The following RGS7 variants were observed in gnomAD, a reference collection of about 807,000 sequenced individuals.
RGS7 encodes the protein regulator of G-protein signaling 7.
RGS7 carries 27 observed loss-of-function variants against 81.1 expected under a neutral mutation model. The observed-to-expected ratio is 0.33, with a 90% CI of 0.25 to 0.46. RGS7 has a LOEUF of 0.46. Ranked by LOEUF, RGS7 falls within the 20% of genes least tolerant of loss-of-function variation. The probability of loss-of-function intolerance (pLI) is 1.00; values close to 1 mark genes in which losing one functional copy is unlikely to be tolerated. For synonymous variants in RGS7, 208 were observed against 207.7 expected, an observed-to-expected ratio of 1.00 and a Z score of -0.01; for missense variants, 396 against 607.4, an observed-to-expected ratio of 0.65 and a Z score of 3.66.
At chr1:241,118,849 T>C (rs982776376) in intron 2 of RGS7, among the ~76,000 whole-genome samples, 2 of 151,914 alleles carry the variant, frequency 1.3e-5, no homozygotes, top group African/African-American at 4.8e-5. Flanking sequence ...TGGGTACACA[T>C]AGACATAAAG....
intron 2 of RGS7, among the ~76,000 whole-genome samples, chr1:241,270,807 G>A (rs2077847550): frequency 6.6e-6 from 1 of 151,390 alleles, no homozygotes; most frequent in African/African-American, 2.4e-5. Flanking sequence ...GCCCAGGCTG[G>A]AGTCCAGTTG....
intron 2 of RGS7, among the ~76,000 whole-genome samples, chr1:241,219,302 G>A (rs909717413): frequency 6.6e-6 from 1 of 152,206 alleles, no homozygotes; most frequent in Middle Eastern, 3.4e-3. Context: ...GTTTTAAAAA[G>A]AGGAGTTTCC....
At chr1:241,076,241 C>A (rs2459942) in intron 3 of RGS7, among the ~76,000 whole-genome samples, 4,089 of 152,144 alleles carry the variant, frequency 0.027, 182 homozygotes, top group African/African-American at 0.093. Context: ...ATTTACCTCC[C>A]CATCTCTCTC....
At chr1:241,297,154 C>A (rs1218397658) in intron 2 of RGS7, among the ~76,000 whole-genome samples, 2 of 152,136 alleles carry the variant, frequency 1.3e-5, no homozygotes, top group Non-Finnish European at 2.9e-5. Flanking sequence ...GATTTTTGTG[C>A]ATGTAATGAA....
intron 4 of RGS7, among the ~76,000 whole-genome samples, chr1:240,972,848 CA>C (rs35291771): frequency 0.02 from 1,514 of 74,972 alleles, 15 homozygotes; most frequent in African/African-American, 0.057. Context: ...CCCCGCCTCT[CA>C]AAAAAAAAAA....
intron 1 of RGS7, 138 bp from the exon 2 acceptor site, chr1:241,355,964 T>C (rs1340476698): frequency 1.6e-6 from 1 of 633,094 alleles, no homozygotes; most frequent in Non-Finnish European, 2.8e-6. Context: ...GGACATGGAT[T>C]TTTTAAAAAG....
At chr1:241,048,897 C>T (rs756322816) in intron 3 of RGS7, among the ~76,000 whole-genome samples, 1 of 152,174 alleles carries the variant, frequency 6.6e-6, no homozygotes, top group Non-Finnish European at 1.5e-5. Context: ...TCTGCAAGGG[C>T]GATCTCCCTG....
At chr1:240,989,209 G>A (rs1349785094) in intron 3 of RGS7, among the ~76,000 whole-genome samples, 1 of 151,838 alleles carries the variant, frequency 6.6e-6, no homozygotes, top group African/African-American at 2.4e-5. Context: ...GGGGGCCGAG[G>A]CAGGTGGATC....
intron 2 of RGS7, among the ~76,000 whole-genome samples, chr1:241,243,420 T>A (rs2076357401): frequency 6.6e-6 from 1 of 152,080 alleles, no homozygotes; most frequent in African/African-American, 2.4e-5. Flanking sequence ...AATAGAAGAA[T>A]GAAAGCAAAG....
At chr1:241,126,310 C>T (rs1004223749) in intron 2 of RGS7, among the ~76,000 whole-genome samples, 2 of 151,990 alleles carry the variant, frequency 1.3e-5, no homozygotes, top group Non-Finnish European at 2.9e-5. Flanking sequence ...CAACCACACC[C>T]GGCTAATTTT....
intron 4 of RGS7, among the ~76,000 whole-genome samples, chr1:240,972,222 A>G (rs991241076): frequency 6.6e-6 from 1 of 152,182 alleles, no homozygotes; most frequent in African/African-American, 2.4e-5. Flanking sequence ...GGTCTGAAAT[A>G]GTTGTTCAAA....
At chr1:241,036,885 G>A (rs896504808) in intron 3 of RGS7, among the ~76,000 whole-genome samples, 1 of 152,070 alleles carries the variant, frequency 6.6e-6, no homozygotes, top group Admixed American at 6.6e-5. Context: ...AGTTATTTTT[G>A]CCTGTTGCAC....
At chr1:241,244,881 C>G (rs1368302318) in intron 2 of RGS7, among the ~76,000 whole-genome samples, 2 of 148,238 alleles carry the variant, frequency 1.3e-5, no homozygotes, top group African/African-American at 5.0e-5. Flanking sequence ...ACCGCATGTT[C>G]TCACTCATAG....
intron 2 of RGS7, among the ~76,000 whole-genome samples, chr1:241,241,477 T>G (rs1341202637): frequency 6.6e-6 from 1 of 152,168 alleles, no homozygotes; most frequent in Admixed American, 6.5e-5. Flanking sequence ...TTCCACGGGC[T>G]TAAACACCAC....
At chr1:240,912,011 C>G (rs1251371056) in intron 6 of RGS7, among the ~76,000 whole-genome samples, 1 of 150,236 alleles carries the variant, frequency 6.7e-6, no homozygotes, top group African/African-American at 2.5e-5. Flanking sequence ...ATTAGCCAGG[C>G]GAAGTGGCAG....
chr1:241,221,009 GGA>G lies in RGS7; in HGVS notation c.79-122249_79-122248del, dbSNP rs2074924261. On this transcript the variant is annotated intron_variant, in intron 2 of 18. Coordinates refer to ENST00000440928, the MANE Select transcript of RGS7 (RefSeq NM_001364886.1). ...AGGAAGGAAGGAAGAGAGAGAGAAA[GGA>G]AGGAAGGAAGGAAGGAAGGAAGGAA... is the stretch of plus-strand genomic sequence containing the variant. Among the ~76,000 whole-genome samples, 68 of 39,476 alleles carry G rather than the reference GGA, an allele frequency of 1.7e-3. 2 individuals carry two copies. The highest frequency in any genetic ancestry group is 4.1e-3 in the African/African-American group (36 of 8,864). The allele number at this position is 39,476 out of a possible 152,430, so 25.9% of individuals were successfully genotyped here.
intron 2 of RGS7, among the ~76,000 whole-genome samples, chr1:241,101,445 G>A (rs1381179601): frequency 6.6e-6 from 1 of 151,832 alleles, no homozygotes; most frequent in African/African-American, 2.4e-5. Context: ...GCAGTGAGCC[G>A]AGATCATACC....
At chr1:240,999,283 C>A (rs1188957948) in intron 3 of RGS7, among the ~76,000 whole-genome samples, 1 of 151,502 alleles carries the variant, frequency 6.6e-6, no homozygotes, top group African/African-American at 2.4e-5. Context: ...TCAGGGGTGT[C>A]CAATCTTTTT....
At chr1:240,876,990 C>T (rs1406593672) in intron 6 of RGS7, among the ~76,000 whole-genome samples, 2 of 151,946 alleles carry the variant, frequency 1.3e-5, no homozygotes, top group African/African-American at 4.8e-5. Context: ...AATTCATGGC[C>T]ATAATTCTAG....
Sources: gnomAD v4.1 joint callset for allele counts (sites outside exome capture counted in the v4.1 genomes callset) on GRCh38, gnomAD v4.1.1 for gene constraint, MANE v1.5 for transcripts, NCBI Gene and HGNC (gene_info 2026-07-23, HGNC 2026-07-21) for gene names.